The following ADAMTSL1 variants were observed in gnomAD, a reference collection of about 807,000 sequenced individuals.
ADAMTSL1 encodes the protein ADAMTS like 1, also known as ADAMTS-like protein 1.
A neutral mutation model predicts 201.8 loss-of-function variants in ADAMTSL1; 126 were observed. The ratio of observed to expected loss-of-function variants is 0.62; its 90% CI spans 0.54 to 0.72. The LOEUF (loss-of-function observed/expected upper bound fraction) is 0.72, where lower values mean the gene tolerates loss of function less well. Among genes scored for constraint, ADAMTSL1 ranks in the 30% least tolerant of loss-of-function variants. ADAMTSL1 has a pLI of 0.00. For missense variants in ADAMTSL1, 2,679 were observed against 2,277.8 expected, an observed-to-expected ratio of 1.18 and a Z score of -3.59; for synonymous variants, 1,121 against 903.4, an observed-to-expected ratio of 1.24 and a Z score of -4.32.
At chr9:18,106,953 T>G (rs892405064) in intron 1 of ADAMTSL1, among the ~76,000 whole-genome samples, 6 of 152,210 alleles carry the variant, frequency 3.9e-5, no homozygotes, top group Non-Finnish European at 5.9e-5. Flanking sequence ...AATTCCCACA[T>G]TGAAACTTAC....
intron 23 of ADAMTSL1, among the ~76,000 whole-genome samples, chr9:18,883,052 G>C (rs897599791): frequency 6.6e-6 from 1 of 150,858 alleles, no homozygotes; most frequent in Non-Finnish European, 1.5e-5. Context: ...CACACAAGTA[G>C]CAGCTCTGTC....
chr9:17,986,864 G>GT (rs1228267700), intron 1 of ADAMTSL1, among the ~76,000 whole-genome samples: 1 of 152,084 alleles, frequency 6.6e-6, no homozygotes, highest in Non-Finnish European at 1.5e-5. Context: ...CACTAGCACA[G>GT]TTGGGGGGAG....
chr9:17,999,321 G>A (rs1480538365), intron 1 of ADAMTSL1, among the ~76,000 whole-genome samples: 4 of 151,850 alleles, frequency 2.6e-5, no homozygotes, highest in Non-Finnish European at 5.9e-5. Context: ...CACAGAAGGG[G>A]CCACTGTGAA....
chr9:18,857,412 G>A (rs889415444), intron 23 of ADAMTSL1, among the ~76,000 whole-genome samples: 3 of 152,084 alleles, frequency 2.0e-5, no homozygotes, highest in Admixed American at 6.5e-5. Flanking sequence ...TGACCTTAAC[G>A]CTTCTGAAGA....
intron 2 of ADAMTSL1, among the ~76,000 whole-genome samples, chr9:18,247,390 A>G (rs1378248281): frequency 6.6e-6 from 1 of 152,196 alleles, no homozygotes; most frequent in Non-Finnish European, 1.5e-5. Context: ...TATTTTCATC[A>G]ATAATTTTCA....
intron 16 of ADAMTSL1, among the ~76,000 whole-genome samples, chr9:18,766,079 A>C (rs962975622): frequency 2.0e-4 from 30 of 151,328 alleles, no homozygotes; most frequent in African/African-American, 7.0e-4. Context: ...GCTGGAGTAC[A>C]CAGGGAAAGG....
rs1467232901 is a variant in ADAMTSL1 at position 18,751,952 on chromosome 9, G to A, written c.2007-1346G>A. 4.3e-4 allele frequency among the ~76,000 whole-genome samples: 12 copies of A among 28,112 alleles called. 6 individuals are homozygous for A. Among genetic ancestry groups the A allele is most frequent in the African/African-American group, 1.4e-3 (10 of 7,380 alleles). 18.4% of individuals were successfully genotyped at this position (28,112 alleles called of 152,430 possible). On this transcript the variant is annotated intron_variant, in intron 15 of 28. Transcript: ENST00000380548. ...AAAAATACAAAAAAATTAGCCGGGC[G>A]TAGTGGCGGGCGCCTGTAGTCCCAG... is the stretch of plus-strand genomic sequence containing the variant.
At chr9:18,605,257 G>T (rs1587691210) in intron 4 of ADAMTSL1, among the ~76,000 whole-genome samples, 2 of 152,196 alleles carry the variant, frequency 1.3e-5, no homozygotes, top group African/African-American at 2.4e-5. Flanking sequence ...TATCTATGCA[G>T]TTGTTGATTT....
At chr9:18,495,366 T>A (rs1191900099) in intron 1 of ADAMTSL1, among the ~76,000 whole-genome samples, 2 of 152,174 alleles carry the variant, frequency 1.3e-5, no homozygotes, top group African/African-American at 2.4e-5. Flanking sequence ...TCACTGCTTA[T>A]GGACATAAAA....
Position 18,494,010 on chromosome 9 carries a change from G to C in ADAMTSL1, c.64-10819G>C, listed in dbSNP as rs114987355. The stretch of plus-strand genomic sequence containing the variant: ...ATGTGTAAACAAGTAACTATACTGG[G>C]TGGCTGACAAATGCTAAAATAGCCA... On this transcript the variant is annotated intron_variant, in intron 1 of 28. Transcript: ENST00000380548. Among the ~76,000 whole-genome samples, 1,039 of 152,294 alleles carry C rather than the reference G, an allele frequency of 6.8e-3. 9 individuals carry two copies. The highest frequency in any genetic ancestry group is 0.024 in the African/African-American group (982 of 41,562).
intron 14 of ADAMTSL1, among the ~76,000 whole-genome samples, chr9:18,716,013 C>G (rs1395698785): frequency 1.3e-5 from 2 of 150,482 alleles, no homozygotes; most frequent in Non-Finnish European, 3.0e-5. Context: ...ATAAATGGTG[C>G]TGGGAAAACT....
chr9:18,411,123 A>G (rs1818422990), intron 2 of ADAMTSL1, among the ~76,000 whole-genome samples: 2 of 150,998 alleles, frequency 1.3e-5, no homozygotes, highest in South Asian at 2.1e-4. Context: ...TGGTCTCCCA[A>G]AGTGCTGGGA....
chr9:18,271,047 T>A (rs1415526344), intron 2 of ADAMTSL1, among the ~76,000 whole-genome samples: 2 of 152,170 alleles, frequency 1.3e-5, no homozygotes, highest in Non-Finnish European at 2.9e-5. Context: ...GTCTGCATCA[T>A]GAGCAAGAAA....
At chr9:18,652,833 C>T (rs1185086180) in intron 7 of ADAMTSL1, among the ~76,000 whole-genome samples, 1 of 152,172 alleles carries the variant, frequency 6.6e-6, no homozygotes, top group African/African-American at 2.4e-5. Flanking sequence ...TGAGGTTTGG[C>T]CAATGTGTAA....
chr9:18,826,739 C>T (rs1032293806), intron 22 of ADAMTSL1, among the ~76,000 whole-genome samples: 3 of 152,182 alleles, frequency 2.0e-5, no homozygotes, highest in Non-Finnish European at 2.9e-5. Context: ...GCGGAGACTC[C>T]AGACAGGAGG....
intron 2 of ADAMTSL1, among the ~76,000 whole-genome samples, chr9:18,460,257 G>A (rs2131705716): frequency 6.6e-6 from 1 of 152,222 alleles, no homozygotes; most frequent in Non-Finnish European, 1.5e-5. Context: ...TTTCAAAATA[G>A]TAAATAAACA....
At chr9:18,227,278 A>T (rs924252283) in intron 2 of ADAMTSL1, among the ~76,000 whole-genome samples, 2 of 152,152 alleles carry the variant, frequency 1.3e-5, no homozygotes, top group African/African-American at 4.8e-5. Context: ...CATGTATATG[A>T]TGCTTGGCTC....
intron 15 of ADAMTSL1, among the ~76,000 whole-genome samples, chr9:18,722,585 G>A (rs1019151600): frequency 6.6e-6 from 1 of 152,206 alleles, no homozygotes; most frequent in Non-Finnish European, 1.5e-5. Flanking sequence ...CAGCTGGCTA[G>A]ATTCCTTTCT....
chr9:18,583,197 C>T lies in ADAMTSL1; in HGVS notation c.474+8931C>T, dbSNP rs554812733. ...AACAGGCAGGAGGAAAAAGTGGTTT[C>T]GTGGGCCGGGCCCAGGATCCCCATG... On this transcript the variant is annotated intron_variant, in intron 4 of 28. Coordinates refer to ENST00000380548, the MANE Select transcript of ADAMTSL1 (RefSeq NM_001040272.6). 1.2e-3 allele frequency among the ~76,000 whole-genome samples: 185 copies of T among 152,256 alleles called. 1 individual carries two copies. Among genetic ancestry groups the T allele is most frequent in the African/African-American group, 3.9e-3 (162 of 41,558 alleles).
Sources: allele counts gnomAD v4.1 joint callset (sites outside exome capture counted in the v4.1 genomes callset), GRCh38; gene constraint gnomAD v4.1.1; transcripts MANE v1.5; gene names NCBI Gene and HGNC (gene_info 2026-07-23, HGNC 2026-07-21).